Variants in CYP19A1 observed in about 807,000 individuals in gnomAD.
The protein encoded by CYP19A1 is aromatase.
In CYP19A1, 32 loss-of-function variants were observed where a neutral mutation model predicts 44.4. The observed-to-expected ratio is 0.72, with a 90% CI of 0.54 to 0.97. The LOEUF (loss-of-function observed/expected upper bound fraction) is 0.97. Among genes scored for constraint, CYP19A1 ranks in the 50% least tolerant of loss-of-function variants. The pLI is 0.00. For missense variants in CYP19A1, 598 were observed against 637.8 expected (o/e 0.94, Z 0.67); for synonymous variants, 212 against 215.6 (o/e 0.98, Z 0.14).
At chr15:51,261,602 G>C (rs1310588757) in intron 1 of CYP19A1, among the ~76,000 whole-genome samples, 2 of 152,212 alleles carry the variant, frequency 1.3e-5, no homozygotes, top group African/African-American at 4.8e-5. Context: ...ATGGCACAAT[G>C]CCTTGATATA....
intron 1 of CYP19A1, among the ~76,000 whole-genome samples, chr15:51,334,897 G>C (rs941932222): frequency 6.6e-6 from 1 of 152,180 alleles, no homozygotes; most frequent in Non-Finnish European, 1.5e-5. Context: ...CTGTGACTGA[G>C]TGAGGTAGGT....
At position 51,301,316 on chromosome 15, in the gene CYP19A1, C is replaced by T. The variant is rs189131308; in HGVS notation, c.-39+37179G>A. ...GCTGTTCTTGCCCCTCAAAGGCAGA[C>T]ATTGAGCATAAAACTGAGATAGCAC... On this transcript the variant is annotated intron_variant, in intron 1 of 9. Transcript: ENST00000396402. Among the ~76,000 whole-genome samples the T allele has an allele frequency of 1.1e-4, 17 of 152,344 alleles. No individual in the cohort carries two copies. The East Asian group carries it at 1.9e-3, about 17-fold the overall frequency.
At chr15:51,279,622 C>T (rs2035445069) in intron 1 of CYP19A1, among the ~76,000 whole-genome samples, 1 of 152,188 alleles carries the variant, frequency 6.6e-6, no homozygotes. Flanking sequence ...GACACATGCA[C>T]CGATGACATA....
chr15:51,268,315 G>A (rs375494161), intron 1 of CYP19A1, among the ~76,000 whole-genome samples: 3 of 152,052 alleles, frequency 2.0e-5, no homozygotes, highest in Admixed American at 6.6e-5. Context: ...TGATCAGTTC[G>A]TGCTTTCTGG....
At chr15:51,263,091 T>A (rs2034790535) in intron 1 of CYP19A1, among the ~76,000 whole-genome samples, 1 of 151,982 alleles carries the variant, frequency 6.6e-6, no homozygotes, top group Admixed American at 6.6e-5. Flanking sequence ...TGTTGTGATA[T>A]GAACTCCCAA....
At chr15:51,329,322 A>G (rs1405857996) in intron 1 of CYP19A1, among the ~76,000 whole-genome samples, 1 of 152,170 alleles carries the variant, frequency 6.6e-6, no homozygotes, top group African/African-American at 2.4e-5. Flanking sequence ...CAGACTCAGC[A>G]GGAGCCAGGC....
chr15:51,231,846 A>C (rs1005477234), intron 3 of CYP19A1, among the ~76,000 whole-genome samples: 1 of 151,968 alleles, frequency 6.6e-6, no homozygotes, highest in Non-Finnish European at 1.5e-5. Context: ...CTACAAGAGA[A>C]TCTCCACAAT....
At chr15:51,223,593 T>TCTCTCTCTCTCACACACACA (rs1356666512) in intron 4 of CYP19A1, among the ~76,000 whole-genome samples, 5 of 90,146 alleles carry the variant, frequency 5.5e-5, no homozygotes, top group Admixed American at 1.2e-4. Flanking sequence ...TCTCTCTCTC[T>TCTCTCTCTCTCACACACACA]CACACACACA....
chr15:51,223,591 TCTCACACACACACACACA>T (rs2032312690), intron 4 of CYP19A1, among the ~76,000 whole-genome samples: 1 of 56,930 alleles, frequency 1.8e-5, no homozygotes. Context: ...TCTCTCTCTC[TCTCACACACACACACACA>T]CACACACACA....
intron 1 of CYP19A1, among the ~76,000 whole-genome samples, chr15:51,297,389 C>G (rs1255766935): frequency 6.6e-6 from 1 of 152,164 alleles, no homozygotes; most frequent in African/African-American, 2.4e-5. Context: ...CTAGGTCCAC[C>G]GGGGGAGACA....
At chr15:51,290,743 C>T (rs1595761886) in intron 1 of CYP19A1, among the ~76,000 whole-genome samples, 1 of 152,348 alleles carries the variant, frequency 6.6e-6, no homozygotes, top group South Asian at 2.1e-4. Flanking sequence ...TTGCCTTCTT[C>T]CTTCCCTCCG....
At chr15:51,337,486 G>C (rs950482531) in intron 1 of CYP19A1, among the ~76,000 whole-genome samples, 4 of 152,214 alleles carry the variant, frequency 2.6e-5, no homozygotes, top group Non-Finnish European at 5.9e-5. Flanking sequence ...AACTTGAGTA[G>C]CATATCTAAA....
At chr15:51,289,795 G>A (rs961842923) in intron 1 of CYP19A1, among the ~76,000 whole-genome samples, 8 of 152,194 alleles carry the variant, frequency 5.3e-5, no homozygotes, top group Non-Finnish European at 5.9e-5. Flanking sequence ...ACCTTGAAGG[G>A]TGGGGAGATG....
intron 1 of CYP19A1, among the ~76,000 whole-genome samples, chr15:51,252,361 C>T (rs2034347995): frequency 6.6e-6 from 1 of 152,194 alleles, no homozygotes; most frequent in Non-Finnish European, 1.5e-5. Flanking sequence ...GTTCCTTTCT[C>T]AACCTTCTGC....
At position 51,212,495 on chromosome 15, in the gene CYP19A1, C is replaced by G. The variant is rs750647150; in HGVS notation, c.1088G>C (p.Ser363Thr). 1.9e-6 allele frequency: 3 copies of G among 1,588,968 alleles called. No individual in the cohort carries two copies. The highest frequency in any genetic ancestry group is 2.6e-6 in the Non-Finnish European group (3 of 1,157,036). ...LKVMENFIYE[S>T]MRYQPVVDLV... Reference sequence around the variant, plus strand: ...GTCCACGACAGGCTGGTACCGCATGCTCTCATAAATGAAGTTTTCCATCAC... The same window carrying G: ...GTCCACGACAGGCTGGTACCGCATGGTCTCATAAATGAAGTTTTCCATCAC... Residue 363 changes from serine to threonine, a missense_variant, in exon 9 of 10, where the codon AGC becomes ACC. Ser to Thr is a moderately conservative substitution (Grantham distance 58, BLOSUM62 1). Coordinates refer to ENST00000396402, the MANE Select transcript of CYP19A1 (RefSeq NM_000103.4).
intron 1 of CYP19A1, chr15:51,314,035 G>A (rs1471553710): frequency 6.6e-6 from 1 of 151,978 alleles, no homozygotes; most frequent in East Asian, 2.0e-4. Context: ...TCCTCGCTGT[G>A]TGACCCTAGA....
intron 1 of CYP19A1, among the ~76,000 whole-genome samples, chr15:51,303,586 A>G (rs2141004076): frequency 6.6e-6 from 1 of 152,110 alleles, no homozygotes; most frequent in South Asian, 2.1e-4. Context: ...TCTGAAAGTC[A>G]GTGTCCATCT....
chr15:51,338,084 C>T (rs2036806258), intron 1 of CYP19A1, among the ~76,000 whole-genome samples: 1 of 152,114 alleles, frequency 6.6e-6, no homozygotes. Context: ...ATAGAGCCTG[C>T]CTGGCTCCAA....
intron 1 of CYP19A1, among the ~76,000 whole-genome samples, chr15:51,294,406 C>T (rs1287647702): frequency 2.7e-5 from 4 of 150,854 alleles, no homozygotes; most frequent in East Asian, 2.0e-4. Context: ...CCGGCCGCCC[C>T]GTCTGAGAAG....
Sources: gnomAD v4.1 joint callset for allele counts (sites outside exome capture counted in the v4.1 genomes callset) on GRCh38, gnomAD v4.1.1 for gene constraint, MANE v1.5 for transcripts, NCBI Gene and HGNC (gene_info 2026-07-23, HGNC 2026-07-21) for gene names.